SNTG1: variants seen among roughly 807,000 people sequenced by gnomAD.
SNTG1 encodes the protein gamma-1-syntrophin.
In SNTG1, 39 loss-of-function variants were observed where a neutral mutation model predicts 74.7. The ratio of observed to expected loss-of-function variants is 0.52; its 90% CI spans 0.40 to 0.68. The LOEUF (loss-of-function observed/expected upper bound fraction) is 0.68. Ranked by LOEUF, SNTG1 falls within the 30% of genes least tolerant of loss-of-function variation. SNTG1 has a pLI of 0.00. For synonymous variants in SNTG1, 254 were observed against 217.1 expected, an observed-to-expected ratio of 1.17 and a Z score of -1.49; for missense variants, 685 against 609.5, an observed-to-expected ratio of 1.12 and a Z score of -1.30.
chr8:50,390,196 C>G (rs2092636783), intron 2 of SNTG1, among the ~76,000 whole-genome samples: 1 of 152,052 alleles, frequency 6.6e-6, no homozygotes. Flanking sequence ...AGGTTTTCTT[C>G]TAGGGTTTTT....
intron 1 of SNTG1, among the ~76,000 whole-genome samples, chr8:50,069,123 A>G (rs1173627019): frequency 6.6e-6 from 1 of 152,186 alleles, no homozygotes; most frequent in Non-Finnish European, 1.5e-5. Context: ...GTGACAGAAA[A>G]GGTTTATAAA....
chr8:50,209,698 T>A (rs558866295), intron 2 of SNTG1, among the ~76,000 whole-genome samples: 25 of 152,234 alleles, frequency 1.6e-4, no homozygotes, highest in African/African-American at 6.0e-4. Context: ...AGAAAGGACA[T>A]CCACACCAAA....
rs1445979515 is a variant in SNTG1 at position 50,639,751 on chromosome 8, A to G, written c.850-17158A>G. Among the ~76,000 whole-genome samples the G allele has an allele frequency of 5.9e-5, 9 of 152,238 alleles. No individual in the cohort carries two copies. The East Asian group carries it at 1.7e-3, about 29-fold the overall frequency. On this transcript the variant is annotated intron_variant, in intron 13 of 18. Transcript: ENST00000642720. ...AGTATTATAAACTGAAATGTGTAAC[A>G]ATTAACAAGCCTTACCTTTTAGTAT...
At chr8:50,099,848 A>G (rs982049575) in intron 1 of SNTG1, among the ~76,000 whole-genome samples, 3 of 152,112 alleles carry the variant, frequency 2.0e-5, no homozygotes, top group Middle Eastern at 3.4e-3. Context: ...TTTTTTTGCT[A>G]TTGTATTGAG....
intron 12 of SNTG1, among the ~76,000 whole-genome samples, chr8:50,564,279 G>A (rs1042002222): frequency 1.3e-5 from 2 of 151,938 alleles, no homozygotes; most frequent in African/African-American, 4.8e-5. Flanking sequence ...TAATTGTCAT[G>A]AGCTCAAATA....
Position 50,601,836 on chromosome 8 carries a change from C to G in SNTG1, c.849+10919C>G, listed in dbSNP as rs375327659. Among the ~76,000 whole-genome samples the G allele has an allele frequency of 9.5e-4, 145 of 152,144 alleles. 1 individual carries two copies. The highest frequency in any genetic ancestry group is 3.3e-3 in the African/African-American group (139 of 41,534). On this transcript the variant is annotated intron_variant, in intron 13 of 18. Transcript: ENST00000642720. The stretch of plus-strand genomic sequence containing the variant: ...GGTGCATATGTAATTGCTATATCCT[C>G]TTGATGAATTTAACTTTTTATCATT...
At chr8:50,108,104 G>T (rs1039899054) in intron 1 of SNTG1, among the ~76,000 whole-genome samples, 3 of 152,096 alleles carry the variant, frequency 2.0e-5, no homozygotes, top group African/African-American at 7.2e-5. Flanking sequence ...AGCCACCAAC[G>T]TGGGTCACAC....
At chr8:50,597,593 TGTG>T (rs1468270555) in intron 13 of SNTG1, among the ~76,000 whole-genome samples, 1 of 151,850 alleles carries the variant, frequency 6.6e-6, no homozygotes, top group East Asian at 1.9e-4. Flanking sequence ...TGCTGGATCA[TGTG>T]GTAATTCAAT....
At chr8:49,940,571 G>T (rs1208510691) in intron 1 of SNTG1, among the ~76,000 whole-genome samples, 1 of 152,116 alleles carries the variant, frequency 6.6e-6, no homozygotes, top group Non-Finnish European at 1.5e-5. Flanking sequence ...TCTCAGGTTT[G>T]CTCAAGGAGA....
At chr8:50,220,891 C>T (rs183472008) in intron 2 of SNTG1, among the ~76,000 whole-genome samples, 11 of 152,290 alleles carry the variant, frequency 7.2e-5, no homozygotes, top group Admixed American at 2.0e-4. Flanking sequence ...GTGTTTACTC[C>T]ATTCTAAACT....
chr8:50,167,578 C>T (rs1289513100), intron 1 of SNTG1, among the ~76,000 whole-genome samples: 1 of 150,990 alleles, frequency 6.6e-6, no homozygotes, highest in Non-Finnish European at 1.5e-5. Flanking sequence ...AGGCAGATTG[C>T]TTGAGCCCAC....
intron 17 of SNTG1, among the ~76,000 whole-genome samples, chr8:50,743,711 A>C (rs545536311): frequency 1.3e-5 from 2 of 152,044 alleles, no homozygotes; most frequent in African/African-American, 4.8e-5. Flanking sequence ...CAGATGACAT[A>C]ATCTTGTATG....
intron 15 of SNTG1, among the ~76,000 whole-genome samples, chr8:50,658,967 G>A (rs1321660069): frequency 6.6e-6 from 1 of 151,586 alleles, no homozygotes; most frequent in Non-Finnish European, 1.5e-5. Flanking sequence ...TCAGTTGAAA[G>A]TAGTCTGAAT....
intron 2 of SNTG1, among the ~76,000 whole-genome samples, chr8:50,273,516 G>T (rs1160272839): frequency 6.6e-6 from 1 of 152,166 alleles, no homozygotes; most frequent in Non-Finnish European, 1.5e-5. Context: ...ATAGTAAGAT[G>T]CTGTGTGTAG....
At chr8:50,755,003 T>G (rs891801959) in intron 18 of SNTG1, among the ~76,000 whole-genome samples, 1 of 151,744 alleles carries the variant, frequency 6.6e-6, no homozygotes, top group Non-Finnish European at 1.5e-5. Context: ...GGTACAAAAA[T>G]TTCCTGTATA....
intron 2 of SNTG1, among the ~76,000 whole-genome samples, chr8:50,287,860 C>T (rs2088871942): frequency 6.6e-6 from 1 of 152,082 alleles, no homozygotes; most frequent in Non-Finnish European, 1.5e-5. Flanking sequence ...TTTACTTATG[C>T]TCACGGCATT....
chr8:50,323,312 C>G (rs114168777), intron 2 of SNTG1, among the ~76,000 whole-genome samples: 1,871 of 152,098 alleles, frequency 0.012, 40 homozygotes, highest in African/African-American at 0.043. Flanking sequence ...TCTGAAAGGT[C>G]GTATATCTCT....
chr8:50,653,927 A>G (rs1338441581), intron 13 of SNTG1, among the ~76,000 whole-genome samples: 5 of 152,192 alleles, frequency 3.3e-5, no homozygotes, highest in African/African-American at 4.8e-5. Flanking sequence ...GTGGAAACAT[A>G]TATTATAAAT....
chr8:50,732,851 T>C (rs2095516235), intron 17 of SNTG1, among the ~76,000 whole-genome samples: 1 of 152,064 alleles, frequency 6.6e-6, no homozygotes, highest in Admixed American at 6.6e-5. Flanking sequence ...GTTGAACAGG[T>C]TCTCCTATGG....
Sources: gnomAD v4.1 joint callset for allele counts (sites outside exome capture counted in the v4.1 genomes callset) on GRCh38, gnomAD v4.1.1 for gene constraint, MANE v1.5 for transcripts, NCBI Gene and HGNC (gene_info 2026-07-23, HGNC 2026-07-21) for gene names.